The following GFRAL variants were observed in gnomAD, a reference collection of about 807,000 sequenced individuals.
The protein encoded by GFRAL is GDNF family receptor alpha like, also known as GDNF family receptor alpha-like.
Under a neutral mutation model 45.4 loss-of-function variants are expected in GFRAL, and 36 were observed. That is an observed-to-expected ratio of 0.79 (90% CI 0.61 to 1.05). The LOEUF (loss-of-function observed/expected upper bound fraction) is 1.05, where lower values mean the gene tolerates loss of function less well. Among genes scored for constraint, GFRAL ranks in the 50% least tolerant of loss-of-function variants. GFRAL has a pLI of 0.00. For synonymous variants in GFRAL, 166 were observed against 154.1 expected (o/e 1.08, Z -0.57); for missense variants, 507 against 467.5 (o/e 1.08, Z -0.78).
chr6:55,352,964 G>T (rs567040863), intron 5 of GFRAL, among the ~76,000 whole-genome samples: 2 of 152,068 alleles, frequency 1.3e-5, no homozygotes, highest in Non-Finnish European at 2.9e-5. Flanking sequence ...TGTATGTGTT[G>T]TTTTAAGGCA....
At chr6:55,370,876 G>A (rs1768441478) in intron 6 of GFRAL, among the ~76,000 whole-genome samples, 1 of 152,276 alleles carries the variant, frequency 6.6e-6, no homozygotes, top group South Asian at 2.1e-4. Context: ...AAGCACACAA[G>A]AGGTGGCTTG....
intron 3 of GFRAL, among the ~76,000 whole-genome samples, chr6:55,348,108 C>T (rs145947819): frequency 0.013 from 1,986 of 152,048 alleles, 23 homozygotes; most frequent in Non-Finnish European, 0.022. Flanking sequence ...TTCTGATGAA[C>T]TGTATAGGAT....
At chr6:55,344,654 C>A (rs1768014291) in intron 3 of GFRAL, among the ~76,000 whole-genome samples, 1 of 152,158 alleles carries the variant, frequency 6.6e-6, no homozygotes, top group Non-Finnish European at 1.5e-5. Flanking sequence ...CCTCTCTCAC[C>A]ACTCCTATTC....
chr6:55,358,991 T>C lies in GFRAL; in HGVS notation c.805T>C (p.Cys269Arg). 3.1e-6 allele frequency: 5 copies of C among 1,613,140 alleles called. No homozygotes were observed. The highest frequency in any genetic ancestry group is 4.2e-6 in the Non-Finnish European group (5 of 1,179,384). The change falls in exon 6 of 9, where the codon TGT (cysteine) becomes CGT (arginine). Residue 269 changes from cysteine (C) to arginine (R), a missense_variant. Cys to Arg is a radical substitution (Grantham distance 180). Coordinates refer to ENST00000340465, the MANE Select transcript of GFRAL (RefSeq NM_207410.2). ...CACCTTAAGCAAACAGGACCTCACT[T>C]GTTCAGGAAGTGATGACTGCAAAGC... ...ISTLSKQDLT[C>R]SGSDDCKAAY... is the part of the protein sequence containing the mutation.
At chr6:55,370,703 A>G (rs1468201195) in intron 6 of GFRAL, among the ~76,000 whole-genome samples, 3 of 152,252 alleles carry the variant, frequency 2.0e-5, no homozygotes, top group Non-Finnish European at 4.4e-5. Context: ...ATATAATGGC[A>G]GGACGTGACA....
chr6:55,394,959 C>T (rs1768802324), intron 6 of GFRAL, among the ~76,000 whole-genome samples: 2 of 151,694 alleles, frequency 1.3e-5, no homozygotes, highest in East Asian at 1.9e-4. Flanking sequence ...AAAGAAATCC[C>T]ATATTTTATC....
At chr6:55,353,835 A>G (rs1390251062) in intron 5 of GFRAL, among the ~76,000 whole-genome samples, 2 of 152,068 alleles carry the variant, frequency 1.3e-5, no homozygotes. Flanking sequence ...TCTGAAATCA[A>G]TGAAATATGA....
intron 6 of GFRAL, among the ~76,000 whole-genome samples, chr6:55,375,425 G>C (rs966861285): frequency 6.6e-6 from 1 of 152,084 alleles, no homozygotes; most frequent in South Asian, 2.1e-4. Context: ...CTCTCTGCTT[G>C]TCTGTTGTTT....
chr6:55,338,691 G>A (rs1206805050), intron 3 of GFRAL, among the ~76,000 whole-genome samples: 1 of 152,080 alleles, frequency 6.6e-6, no homozygotes, highest in Non-Finnish European at 1.5e-5. Context: ...GTTTCATTAG[G>A]TAGGCAAAAC....
At chr6:55,350,626 A>T (rs1335981289) in intron 4 of GFRAL, among the ~76,000 whole-genome samples, 1 of 152,126 alleles carries the variant, frequency 6.6e-6, no homozygotes, top group Non-Finnish European at 1.5e-5. Flanking sequence ...ACTTGAGCCC[A>T]GGAGTTGGAG....
chr6:55,357,262 T>A (rs1008732301), intron 5 of GFRAL, among the ~76,000 whole-genome samples: 2 of 151,950 alleles, frequency 1.3e-5, no homozygotes, highest in African/African-American at 4.8e-5. Flanking sequence ...TCTGTCTGAA[T>A]GATCTGTCCA....
In GFRAL at chr6:55,374,594, AT is replaced by A. The variant is rs142131234; in HGVS notation, c.952+15457del. ...CTATGTAGGTTGTCTGTTCACTCTG[AT>A]GATAGTTTATTTTGCTGTGCAAAAG... On this transcript the variant is annotated intron_variant, in intron 6 of 8. Transcript: ENST00000340465. Among the ~76,000 whole-genome samples the A allele has an allele frequency of 1.7e-3, 253 of 152,194 alleles. 1 individual carries two copies. The highest frequency in any genetic ancestry group is 4.1e-3 in the East Asian group (21 of 5,170).
chr6:55,379,891 A>G (rs1768584529), intron 6 of GFRAL, among the ~76,000 whole-genome samples: 1 of 151,904 alleles, frequency 6.6e-6, no homozygotes, highest in South Asian at 2.1e-4. Flanking sequence ...CATACAAGTG[A>G]GATCATGTGG....
chr6:55,378,734 C>T (rs1768567473), intron 6 of GFRAL, among the ~76,000 whole-genome samples: 1 of 151,872 alleles, frequency 6.6e-6, no homozygotes, highest in African/African-American at 2.4e-5. Context: ...TTACCACTGA[C>T]CATGAGTCTT....
chr6:55,332,282 C>A (rs1202843424), intron 2 of GFRAL, among the ~76,000 whole-genome samples: 1 of 151,990 alleles, frequency 6.6e-6, no homozygotes, highest in Non-Finnish European at 1.5e-5. Context: ...AACATATATG[C>A]GGTATTTCCA....
intron 6 of GFRAL, among the ~76,000 whole-genome samples, chr6:55,384,350 TC>T (rs1768652689): frequency 6.6e-6 from 1 of 152,086 alleles, no homozygotes; most frequent in African/African-American, 2.4e-5. Flanking sequence ...CATTATTTTT[TC>T]TATTAATTAA....
intron 1 of GFRAL, among the ~76,000 whole-genome samples, chr6:55,329,924 C>T (rs1235944541): frequency 3.3e-5 from 5 of 152,054 alleles, no homozygotes; most frequent in Admixed American, 3.3e-4. Context: ...TCATAATTAA[C>T]AACAGCATTT....
chr6:55,331,404 T>C (rs115300399), intron 1 of GFRAL, among the ~76,000 whole-genome samples: 1,985 of 152,178 alleles, frequency 0.013, 23 homozygotes, highest in Non-Finnish European at 0.022. Context: ...TTAAGTTAGA[T>C]TTTAAAGGGG....
chr6:55,381,721 T>C (rs1768610114), intron 6 of GFRAL, among the ~76,000 whole-genome samples: 1 of 151,856 alleles, frequency 6.6e-6, no homozygotes, highest in South Asian at 2.1e-4. Flanking sequence ...CATGTTATAA[T>C]TTTTACTATT....
Sources: gnomAD v4.1 joint callset for allele counts (sites outside exome capture counted in the v4.1 genomes callset) on GRCh38, gnomAD v4.1.1 for gene constraint, MANE v1.5 for transcripts, NCBI Gene and HGNC (gene_info 2026-07-23, HGNC 2026-07-21) for gene names.